The following ANKRD26 variants were observed in gnomAD, a reference collection of about 807,000 sequenced individuals.
The protein encoded by ANKRD26 is ankyrin repeat domain 26, also known as ankyrin repeat domain-containing protein 26.
In ANKRD26, 141 loss-of-function variants were observed where a neutral mutation model predicts 208.7. That is an observed-to-expected ratio of 0.68 (90% confidence interval 0.59 to 0.78). ANKRD26 has a LOEUF of 0.78. ANKRD26 is among the 30% of genes least tolerant of loss of function. The pLI, the probability that ANKRD26 is intolerant of heterozygous loss-of-function variation, is 0.00. For synonymous variants in ANKRD26, 636 were observed against 660.4 expected, an observed-to-expected ratio of 0.96 and a Z score of 0.57; for missense variants, 1,889 against 1,938.7, an observed-to-expected ratio of 0.97 and a Z score of 0.48.
rs779610208 is a variant in ANKRD26 at position 27,093,789 on chromosome 10, G to A, written c.253C>T (p.His85Tyr). The change falls in exon 2 of 34, where the codon CAT becomes TAT. Residue 85 changes from histidine (H) to tyrosine (Y), a missense_variant. Coordinates refer to ENST00000376087, the MANE Select transcript of ANKRD26 (RefSeq NM_014915.3). ...GGATGACCATTGGCACAGGCCAAAT[G>A]TAGAGCCGTCCTATGAGAGTGACAG... is the stretch of plus-strand genomic sequence containing the variant. ...DRDKMNRTAL[H>Y]LACANGHPEV... The A allele has an allele frequency of 8.1e-6, 13 of 1,613,822 alleles. No individual in the cohort carries two copies. The highest frequency in any genetic ancestry group is 1.0e-5 in the Non-Finnish European group (12 of 1,179,690).
In ANKRD26 at chr10:27,043,432, A is replaced by T. The variant is rs1404447856; in HGVS notation, c.2155T>A (p.Cys719Ser). The T allele has an allele frequency of 1.2e-6, 2 of 1,613,980 alleles. No homozygotes were observed. Among genetic ancestry groups the T allele is most frequent in the African/African-American group, 2.7e-5 (2 of 75,024 alleles). Residue 719 changes from cysteine (C) to serine (S), a missense_variant, in exon 20 of 34, where the codon TGT (cysteine) becomes AGT (serine). Cys to Ser is a moderately radical substitution (Grantham distance 112). Coordinates refer to ENST00000376087, the MANE Select transcript of ANKRD26 (RefSeq NM_014915.3). ...ATTTATGCAATGGTCCTACCTTTAC[A>T]CTCCATTCCAAGTTGTTCAATGAGC... The part of the protein sequence containing the change: ...MLLIEQLGME[C>S]KDSVSLLKIQ...
chr10:27,005,285 A>G lies in ANKRD26; in HGVS notation c.*305T>C. 9.3e-7 allele frequency: 1 copy of G among 1,076,840 alleles called. No individual in the cohort carries two copies. Among genetic ancestry groups the G allele is most frequent in the Non-Finnish European group, 1.1e-6 (1 of 885,834 alleles). 66.7% of individuals were successfully genotyped at this position (1,076,840 alleles called of 1,614,324 possible). A position where few individuals can be genotyped will look rare whatever the true frequency, so the allele number is the denominator to read the frequency against. On this transcript the variant is annotated 3_prime_UTR_variant, in exon 34 of 34. Coordinates refer to ENST00000376087, the MANE Select transcript of ANKRD26 (RefSeq NM_014915.3). ...ACCACTACATATAGTGATAAAAATT[A>G]CAAAATACAAATAAGCCATCAATTA...
At chr10:27,015,584 T>A (rs1242207165) in intron 30 of ANKRD26, among the ~76,000 whole-genome samples, 1 of 152,200 alleles carries the variant, frequency 6.6e-6, no homozygotes, top group Non-Finnish European at 1.5e-5. Flanking sequence ...AAGAAATCTG[T>A]GTTATCATGG....
chr10:26,972,260 T>C (rs1206573427), downstream of ANKRD26, among the ~76,000 whole-genome samples: 2 of 150,480 alleles, frequency 1.3e-5, no homozygotes, highest in Non-Finnish European at 1.5e-5. Flanking sequence ...AAGAAAATTA[T>C]AGTCCAAAAA....
chr10:27,029,218 T>G, intron 26 of ANKRD26, 68 bp downstream of exon 26: 1 of 1,501,464 alleles, frequency 6.7e-7, no homozygotes, highest in Non-Finnish European at 9.1e-7. Context: ...CTGATATAAT[T>G]CTCATACTAC....
At chr10:27,096,462 A>C (rs2056467580) in intron 1 of ANKRD26, among the ~76,000 whole-genome samples, 1 of 152,110 alleles carries the variant, frequency 6.6e-6, no homozygotes, top group Non-Finnish European at 1.5e-5. Flanking sequence ...TAAAATCCTC[A>C]CTTCAAAGAT....
the ANKRD26 span, among the ~76,000 whole-genome samples, chr10:26,965,098 A>G: frequency 6.6e-6 from 1 of 152,292 alleles, no homozygotes; most frequent in East Asian, 1.9e-4. Context: ...TCAAGCTACC[A>G]ATGACTTTCT....
intron 21 of ANKRD26, among the ~76,000 whole-genome samples, 155 bp from the exon 22 acceptor site, chr10:27,038,209 A>T (rs1484809507): frequency 1.3e-5 from 2 of 152,034 alleles, no homozygotes; most frequent in Non-Finnish European, 2.9e-5. Flanking sequence ...TTAATTTCTC[A>T]CTTCAGTCTT....
rs767931129 is a variant in ANKRD26, at chr10:27,017,616, A to C, written c.4392T>G (p.His1464Gln). The C allele has an allele frequency of 8.7e-6, 14 of 1,613,468 alleles. No homozygotes were observed. The highest frequency in any genetic ancestry group is 1.2e-5 in the Non-Finnish European group (14 of 1,179,820). ...LEQEVINLRS[H>Q]IERNMVELGQ... Reference sequence around the variant, plus strand: ...CAAGTTCTACCATATTCCTTTCTATATGACTTCTCAGGTTGATCACTTCTT... The same window carrying C: ...CAAGTTCTACCATATTCCTTTCTATCTGACTTCTCAGGTTGATCACTTCTT... Residue 1464 changes from histidine to glutamine, a missense_variant, in exon 30 of 34, where the codon CAT (histidine) becomes CAG (glutamine). By Grantham distance (24) the His-to-Gln change is conservative (BLOSUM62 0). This residue lies in a region of ANKRD26 where 613 missense variants were observed against 648.2 expected (regional missense o/e 0.95). Transcript: ENST00000376087.
At chr10:27,049,075 A>G (rs1402107434) in intron 16 of ANKRD26, 96 bp from the exon 17 acceptor site, 18 of 1,083,308 alleles carry the variant, frequency 1.7e-5, no homozygotes, top group Non-Finnish European at 2.2e-5. Flanking sequence ...CAGTTTAACT[A>G]TGGTAACTTT....
intron 3 of ANKRD26, among the ~76,000 whole-genome samples, chr10:26,982,866 A>T (rs1589164353): frequency 6.6e-6 from 1 of 152,188 alleles, no homozygotes; most frequent in East Asian, 1.9e-4. Context: ...TCCTATTATG[A>T]GCAATAGCTT....
At position 27,082,967 on chromosome 10, in the gene ANKRD26, C is replaced by T. The variant is rs2055981817; in HGVS notation, c.710-134G>A. 3.2e-6 allele frequency: 4 copies of T among 1,255,514 alleles called. No homozygotes were observed. In the South Asian group the frequency reaches 4.6e-5, roughly 15 times the overall value. The allele number at this position is 1,255,514 out of a possible 1,614,324, so 77.8% of individuals were successfully genotyped here. On this transcript the variant is annotated intron_variant, in intron 5 of 33. Transcript: ENST00000376087. ...CTGGAGACTATAATAGAATTAATAT[C>T]CTCTATAAATATTCCATTATACTCA...
At position 27,082,820 on chromosome 10, in the gene ANKRD26, A is replaced by G; in HGVS notation, c.723T>C (p.Ser241=). ...AATACTACCTGCTTAAGGAGTCTTC[A>G]GAGCTTTCATCCACTATTAAAGAGA... ...SQNSNSVDES[S]EDSLSRLSGK... Residue 241 remains serine (S), a synonymous_variant, in exon 6 of 34, where the codon TCT becomes TCC. Transcript: ENST00000376087. 6.3e-7 allele frequency: 1 copy of G among 1,590,424 alleles called. No individual in the cohort carries two copies. The highest frequency in any genetic ancestry group is 1.1e-5 in the South Asian group (1 of 88,370).
chr10:26,986,420 T>C (rs976631500), intron 3 of ANKRD26, among the ~76,000 whole-genome samples: 2 of 151,792 alleles, frequency 1.3e-5, no homozygotes, highest in African/African-American at 4.8e-5. Context: ...AAAGACAAAA[T>C]TGACAAATGG....
intron 15 of ANKRD26, 81 bp from the exon 16 acceptor site, chr10:27,053,471 T>C (rs2054735004): frequency 1.1e-6 from 1 of 930,122 alleles, no homozygotes; most frequent in African/African-American, 1.7e-5. Flanking sequence ...AAATAGAAAA[T>C]AATATTTATT....
At chr10:26,972,103 C>A (rs532174026), downstream of ANKRD26, among the ~76,000 whole-genome samples, 7 of 151,794 alleles carry the variant, frequency 4.6e-5, no homozygotes, top group Non-Finnish European at 7.4e-5. Flanking sequence ...GGCGTGGTGG[C>A]GGGCGCCTGT....
In ANKRD26 at chr10:27,053,313, A is replaced by G. The variant is rs368868608; in HGVS notation, c.1635+7T>C. On this transcript the variant is annotated splice_region_variant and intron_variant, in intron 16 of 33. Transcript: ENST00000376087. ...TTAAACCAGAAATTTTTAAAAATATATAATACCTGTGGCTGGTTATTTTCA... is the reference window on the plus strand; with the variant it reads ...TTAAACCAGAAATTTTTAAAAATATGTAATACCTGTGGCTGGTTATTTTCA... 1.3e-6 allele frequency: 2 copies of G among 1,591,852 alleles called. No homozygotes were observed. Among genetic ancestry groups the G allele is most frequent in the African/African-American group, 2.7e-5 (2 of 74,596 alleles).
At chr10:27,027,706 A>G (rs1263126086) in intron 27 of ANKRD26, among the ~76,000 whole-genome samples, 5 of 152,194 alleles carry the variant, frequency 3.3e-5, no homozygotes, top group Non-Finnish European at 5.9e-5. Flanking sequence ...ATTTTTATCA[A>G]TAAGGATTTT....
intron 4 of ANKRD26, among the ~76,000 whole-genome samples, chr10:27,087,738 C>T (rs1006870714): frequency 3.3e-5 from 5 of 152,174 alleles, no homozygotes; most frequent in East Asian, 1.9e-4. Context: ...TTTGTTAGAA[C>T]GGTGCTTAAT....
Sources: gnomAD v4.1 joint callset for allele counts (sites outside exome capture counted in the v4.1 genomes callset) on GRCh38, gnomAD v4.1.1 for gene constraint, gnomAD v4.1.1 regional missense constraint, MANE v1.5 for transcripts, NCBI Gene and HGNC (gene_info 2026-07-23, HGNC 2026-07-21) for gene names.